PSD3: variants seen among roughly 807,000 people sequenced by gnomAD.
The protein encoded by PSD3 is PH and SEC7 domain-containing protein 3.
In PSD3, 49 loss-of-function variants were observed where a neutral mutation model predicts 105.5. The observed-to-expected ratio is 0.46, with a 90% CI of 0.37 to 0.59. The LOEUF is 0.59. Among genes scored for constraint, PSD3 ranks in the 20% least tolerant of loss-of-function variants. PSD3 has a pLI of 0.00. For synonymous variants in PSD3, 557 were observed against 457.8 expected (o/e 1.22, Z -2.77); for missense variants, 1,561 against 1,263.8 (o/e 1.24, Z -3.57).
At chr8:18,600,461 T>G (rs1384164017) in intron 11 of PSD3, 27 bp from the exon 12 acceptor site, 3 of 1,516,866 alleles carry the variant, frequency 2.0e-6, no homozygotes, top group East Asian at 4.5e-5. Flanking sequence ...AATGTAAAAT[T>G]TTATTTGACA....
chr8:18,860,656 A>G (rs933699341), intron 4 of PSD3, among the ~76,000 whole-genome samples: 3 of 152,194 alleles, frequency 2.0e-5, no homozygotes, highest in Non-Finnish European at 4.4e-5. Context: ...AATTTACTCA[A>G]GAAAGTTGGT....
At chr8:18,636,573 C>G (rs1267474836) in intron 10 of PSD3, among the ~76,000 whole-genome samples, 1 of 152,184 alleles carries the variant, frequency 6.6e-6, no homozygotes, top group Non-Finnish European at 1.5e-5. Flanking sequence ...CCATTCAACA[C>G]TCACTCAGTC....
At chr8:18,948,547 C>T (rs938041047) in intron 1 of PSD3, among the ~76,000 whole-genome samples, 1 of 152,094 alleles carries the variant, frequency 6.6e-6, no homozygotes, top group Admixed American at 6.6e-5. Flanking sequence ...AAAACAAGTA[C>T]TATGCAAAGC....
intron 8 of PSD3, chr8:18,774,541 C>A: frequency 3.8e-6 from 1 of 261,162 alleles, no homozygotes; most frequent in Non-Finnish European, 7.5e-6. Flanking sequence ...TTTGACTCAG[C>A]AATGTTCATG....
At chr8:18,785,069 T>C (rs1265386282) in intron 8 of PSD3, among the ~76,000 whole-genome samples, 2 of 152,102 alleles carry the variant, frequency 1.3e-5, no homozygotes, top group Non-Finnish European at 2.9e-5. Flanking sequence ...GAATAAACAA[T>C]GCTCCTATCA....
At chr8:18,801,148 G>C (rs1810644173) in intron 7 of PSD3, 122 bp downstream of exon 7, 3 of 592,546 alleles carry the variant, frequency 5.1e-6, no homozygotes, top group South Asian at 5.0e-5. Flanking sequence ...GTAAACAGAA[G>C]TGTTAATAGT....
intron 9 of PSD3, chr8:18,683,724 G>C: frequency 1.3e-6 from 1 of 750,972 alleles, no homozygotes; most frequent in Non-Finnish European, 2.4e-6. Flanking sequence ...ATCCAATTCT[G>C]TTGCCCTGCC....
chr8:18,881,410 A>G (rs958114806), intron 2 of PSD3, among the ~76,000 whole-genome samples: 1 of 152,218 alleles, frequency 6.6e-6, no homozygotes, highest in Non-Finnish European at 1.5e-5. Flanking sequence ...GGGTCTTTCT[A>G]AGAATTATCC....
At chr8:19,003,344 T>C (rs1264435489) in intron 1 of PSD3, among the ~76,000 whole-genome samples, 1 of 151,714 alleles carries the variant, frequency 6.6e-6, no homozygotes, top group Admixed American at 6.6e-5. Flanking sequence ...GAGTAGTCAC[T>C]ACACTCCAGC....
At chr8:18,970,709 C>T (rs1461022571) in intron 1 of PSD3, among the ~76,000 whole-genome samples, 1 of 152,128 alleles carries the variant, frequency 6.6e-6, no homozygotes, top group African/African-American at 2.4e-5. Context: ...AATCCCAGCA[C>T]TTTGGGAGGT....
At chr8:18,862,892 CA>C (rs763451398) in intron 4 of PSD3, among the ~76,000 whole-genome samples, 6,846 of 79,412 alleles carry the variant, frequency 0.086, 332 homozygotes, top group African/African-American at 0.2. Flanking sequence ...AAGAGCAAGG[CA>C]AAAAAAAAAA....
At chr8:18,892,278 C>CG (rs1818842383) in intron 2 of PSD3, among the ~76,000 whole-genome samples, 2 of 151,184 alleles carry the variant, frequency 1.3e-5, no homozygotes, top group Non-Finnish European at 2.9e-5. Flanking sequence ...GGCTGGAGTG[C>CG]AGTGGTGCTA....
chr8:18,702,182 G>A (rs11997424), intron 9 of PSD3, among the ~76,000 whole-genome samples: 131 of 152,252 alleles, frequency 8.6e-4, no homozygotes, highest in African/African-American at 2.9e-3. Context: ...ATTTGTAACC[G>A]ACAGGTCTTT....
chr8:18,624,316 C>A (rs949273193), intron 11 of PSD3, among the ~76,000 whole-genome samples: 1 of 151,826 alleles, frequency 6.6e-6, no homozygotes, highest in Non-Finnish European at 1.5e-5. Flanking sequence ...TGACATTTCA[C>A]TATATGTTTA....
chr8:18,867,760 G>T lies in PSD3; in HGVS notation c.1548C>A (p.Gly516=). Residue 516 remains glycine (G), a synonymous_variant, in exon 4 of 16, where the codon GGC becomes GGA. Transcript: ENST00000327040. The part of the protein sequence containing the change: ...SVSADGGIVM[G]YSSGVTNGLN... The stretch of plus-strand genomic sequence containing the variant: ...GCCCATTGGTGACGCCACTAGAATA[G>T]CCCATCACGATGCCACCATCTGCAG... 6.2e-7 allele frequency: 1 copy of T among 1,613,986 alleles called. No individual in the cohort carries two copies. Among genetic ancestry groups the T allele is most frequent in the Non-Finnish European group, 8.5e-7 (1 of 1,179,918 alleles).
intron 9 of PSD3, among the ~76,000 whole-genome samples, chr8:18,677,583 T>C (rs1585590069): frequency 6.6e-6 from 1 of 152,144 alleles, no homozygotes; most frequent in Middle Eastern, 3.2e-3. Context: ...CTGACTCAAG[T>C]CATCAACTTA....
intron 11 of PSD3, among the ~76,000 whole-genome samples, chr8:18,629,486 G>C (rs56044862): frequency 0.082 from 12,488 of 151,972 alleles, 741 homozygotes; most frequent in Non-Finnish European, 0.13. Flanking sequence ...TAAACTGTGG[G>C]ATATCCAAAT....
intron 1 of PSD3, among the ~76,000 whole-genome samples, chr8:18,965,547 T>A (rs900709170): frequency 6.6e-6 from 1 of 152,182 alleles, no homozygotes; most frequent in African/African-American, 2.4e-5. Flanking sequence ...ACTACTCAAG[T>A]AGAGCACAAG....
At chr8:18,797,271 A>G (rs1252201253) in intron 8 of PSD3, among the ~76,000 whole-genome samples, 7 of 152,172 alleles carry the variant, frequency 4.6e-5, no homozygotes, top group Non-Finnish European at 7.4e-5. Context: ...CACCAAACAC[A>G]TGATCCTGAA....
Sources: allele counts gnomAD v4.1 joint callset (sites outside exome capture counted in the v4.1 genomes callset), GRCh38; gene constraint gnomAD v4.1.1; transcripts MANE v1.5; gene names NCBI Gene and HGNC (gene_info 2026-07-23, HGNC 2026-07-21).